The following COLEC12 variants were observed in gnomAD, a reference collection of about 807,000 sequenced individuals.
The protein encoded by COLEC12 is collectin-12.
A neutral mutation model predicts 71.1 loss-of-function variants in COLEC12; 33 were observed. The ratio of observed to expected loss-of-function variants is 0.46; its 90% CI spans 0.35 to 0.62. The LOEUF (loss-of-function observed/expected upper bound fraction) is 0.62, where lower values mean the gene tolerates loss of function less well. COLEC12 is among the 20% of genes least tolerant of loss of function. The pLI, the probability that COLEC12 is intolerant of heterozygous loss-of-function variation, is 0.00. For synonymous variants in COLEC12, 350 were observed against 353.0 expected, an observed-to-expected ratio of 0.99 and a Z score of 0.10; for missense variants, 765 against 916.1, an observed-to-expected ratio of 0.84 and a Z score of 2.13.
At position 346,834 on chromosome 18, in the gene COLEC12, T is replaced by C. The variant is rs1291209334; in HGVS notation, c.788A>G (p.Gln263Arg). ...GTTGGCAGCCAGCGTCTGCAAGCTC[T>C]GCACTTTCTCCTTCAGCCAATCCGT... is the stretch of plus-strand genomic sequence containing the variant. ...KDTDWLKEKV[Q>R]SLQTLAANNS... Residue 263 changes from glutamine to arginine, a missense_variant, in exon 5 of 10, where the codon CAG becomes CGG. By Grantham distance (43) the Gln-to-Arg change is conservative. Coordinates refer to ENST00000400256, the MANE Select transcript of COLEC12 (RefSeq NM_130386.3). The surrounding 1 kb of genome is among the most constrained non-coding windows in gnomAD (Gnocchi z 4.0). 1 of 1,614,202 alleles carries C rather than the reference T, an allele frequency of 6.2e-7. No homozygotes were observed. Among genetic ancestry groups the C allele is most frequent in the Admixed American group, 1.7e-5 (1 of 60,028 alleles).
intron 2 of COLEC12, among the ~76,000 whole-genome samples, chr18:440,784 A>T (rs28453274): frequency 0.03 from 4,591 of 152,320 alleles, 259 homozygotes; most frequent in African/African-American, 0.1. Flanking sequence ...ATGTTAATGC[A>T]TTGGATTCTT....
rs1917384331 is a variant in COLEC12 at position 480,121 on chromosome 18, G to A, written c.58+586C>T. Among the ~76,000 whole-genome samples the A allele has an allele frequency of 6.6e-6, 1 of 152,182 alleles. No homozygotes were observed. The highest frequency in any genetic ancestry group is 2.1e-4 in the South Asian group (1 of 4,822). On this transcript the variant is annotated intron_variant, in intron 2 of 9. Transcript: ENST00000400256. This position sits in a 1 kb window ranked among gnomAD's most constrained non-coding sequence, Gnocchi z 4.1. ...TGTGATGGCTTTCAGGGCCCACCCA[G>A]GTAACCCAGGATCATCTCCCCATCT...
At chr18:469,851 A>C (rs1649390366) in intron 2 of COLEC12, among the ~76,000 whole-genome samples, 1 of 145,944 alleles carries the variant, frequency 6.9e-6, no homozygotes, top group African/African-American at 2.6e-5. Context: ...CATCTTTAGG[A>C]GAAAATTTTT....
chr18:395,527 C>G (rs759558436), intron 2 of COLEC12, among the ~76,000 whole-genome samples: 13 of 152,138 alleles, frequency 8.5e-5, no homozygotes, highest in Non-Finnish European at 1.8e-4. Context: ...TAATCCTTCC[C>G]AGAAAAATGT....
At chr18:402,297 C>A (rs547295800) in intron 2 of COLEC12, among the ~76,000 whole-genome samples, 4 of 152,116 alleles carry the variant, frequency 2.6e-5, no homozygotes, top group African/African-American at 7.2e-5. Flanking sequence ...AAGAGTAGGC[C>A]CATGACCAGT....
Position 357,492 on chromosome 18 carries a change from C to T in COLEC12, c.89G>A (p.Cys30Tyr). 1 of 1,590,446 alleles carries T rather than the reference C, an allele frequency of 6.3e-7. No homozygotes were observed. Among genetic ancestry groups the T allele is most frequent in the Non-Finnish European group, 8.6e-7 (1 of 1,166,978 alleles). The change falls in exon 3 of 10, where the codon TGT becomes TAT. Residue 30 changes from cysteine to tyrosine, a missense_variant. Cys to Tyr is a radical substitution (Grantham distance 194). Coordinates refer to ENST00000400256, the MANE Select transcript of COLEC12 (RefSeq NM_130386.3). ...AAACTTCAGTGCCCAGTTATTTTTA[C>T]ATTTGGTACATTGTGTTCCTTCCTG... ...GIQEGTQCTK[C>Y]KNNWALKFSI...
intron 2 of COLEC12, among the ~76,000 whole-genome samples, chr18:360,093 G>C (rs987702925): frequency 1.3e-5 from 2 of 152,246 alleles, no homozygotes; most frequent in African/African-American, 4.8e-5. Context: ...AAACTTTGGG[G>C]TGCATGAGAG....
chr18:343,675 T>C (rs1372842102), intron 5 of COLEC12, among the ~76,000 whole-genome samples: 1 of 152,152 alleles, frequency 6.6e-6, no homozygotes, highest in African/African-American at 2.4e-5. Flanking sequence ...ACACTTTCGG[T>C]GACTATCCTT....
intron 2 of COLEC12, among the ~76,000 whole-genome samples, chr18:456,676 T>C (rs1236604401): frequency 6.6e-6 from 1 of 152,238 alleles, no homozygotes. Context: ...GAATAAACGA[T>C]GTAACCTGTA....
chr18:346,176 T>C lies in COLEC12; in HGVS notation c.1327+119A>G, dbSNP rs573339823. On this transcript the variant is annotated intron_variant, in intron 5 of 9. Coordinates refer to ENST00000400256, the MANE Select transcript of COLEC12 (RefSeq NM_130386.3). The surrounding 1 kb of genome is among the most constrained non-coding windows in gnomAD (Gnocchi z 4.0). ...TCTAGCTAAGCTGCTCTTGAATTCC[T>C]GGTCCACAAAAACTATGAGATGATG... The C allele has an allele frequency of 2.3e-5, 17 of 745,156 alleles. No homozygotes were observed. The allele number at this position is 745,156 out of a possible 1,614,324, so 46.2% of individuals were successfully genotyped here. A position where few individuals can be genotyped will look rare whatever the true frequency, so the allele number is the denominator to read the frequency against.
chr18:422,036 T>C (rs959255512), intron 2 of COLEC12, among the ~76,000 whole-genome samples: 4 of 152,128 alleles, frequency 2.6e-5, no homozygotes, highest in African/African-American at 9.7e-5. Context: ...CTTCAGATGG[T>C]CCAGCAAGCC....
intron 1 of COLEC12, among the ~76,000 whole-genome samples, chr18:498,539 T>C (rs1385123051): frequency 6.6e-6 from 1 of 151,980 alleles, no homozygotes; most frequent in Non-Finnish European, 1.5e-5. Flanking sequence ...TTTTGTATTT[T>C]TAGTAAAGAC....
At chr18:321,897 A>C in intron 8 of COLEC12, 90 bp from the exon 9 acceptor site, 1 of 1,235,522 alleles carries the variant, frequency 8.1e-7, no homozygotes, top group Non-Finnish European at 1.1e-6. Context: ...AAAAAACAAA[A>C]TTGAAGCATG....
chr18:332,153 T>C (rs1042431091), intron 7 of COLEC12, among the ~76,000 whole-genome samples: 5 of 152,200 alleles, frequency 3.3e-5, no homozygotes, highest in Non-Finnish European at 5.9e-5. Context: ...CCACGTGCAG[T>C]GTGTTGCACG....
At chr18:449,887 T>C (rs71352942) in intron 2 of COLEC12, among the ~76,000 whole-genome samples, 17,636 of 152,242 alleles carry the variant, frequency 0.12, 1,394 homozygotes, top group East Asian at 0.37. Flanking sequence ...CCTCCTCTCT[T>C]TTAAAAGGTG....
At chr18:413,398 G>A (rs558530816) in intron 2 of COLEC12, among the ~76,000 whole-genome samples, 2 of 152,358 alleles carry the variant, frequency 1.3e-5, no homozygotes, top group South Asian at 4.1e-4. Flanking sequence ...TGCTGCTGGT[G>A]AGAATGTAAA....
intron 2 of COLEC12, among the ~76,000 whole-genome samples, chr18:359,330 A>G (rs2143505768): frequency 6.6e-6 from 1 of 152,366 alleles, no homozygotes; most frequent in South Asian, 2.1e-4. Context: ...GTTTACCGGC[A>G]TGCCACTGGT....
chr18:401,836 G>A (rs957855904), intron 2 of COLEC12, among the ~76,000 whole-genome samples: 1 of 152,154 alleles, frequency 6.6e-6, no homozygotes, highest in Non-Finnish European at 1.5e-5. Context: ...GGACAGAAAG[G>A]CTGAACACAC....
rs1246579768 is a variant in COLEC12, at chr18:346,696, T to C, written c.926A>G (p.Gln309Arg). Residue 309 changes from glutamine to arginine, a missense_variant, in exon 5 of 10, where the codon CAG becomes CGG. Gln to Arg is a conservative substitution (Grantham distance 43). Coordinates refer to ENST00000400256, the MANE Select transcript of COLEC12 (RefSeq NM_130386.3). This position sits in a 1 kb window ranked among gnomAD's most constrained non-coding sequence, Gnocchi z 4.0. ...NITTISQANEQNLKDLQDLHK... is the reference protein window; with the variant it reads ...NITTISQANERNLKDLQDLHK... ...TAAGTCCTGCAGGTCTTTCAGGTTCTGCTCGTTGGCTTGAGAGATAGTGGT... is the reference window on the plus strand; with the variant it reads ...TAAGTCCTGCAGGTCTTTCAGGTTCCGCTCGTTGGCTTGAGAGATAGTGGT... 6.2e-7 allele frequency: 1 copy of C among 1,614,156 alleles called. No homozygotes were observed. Among genetic ancestry groups the C allele is most frequent in the Admixed American group, 1.7e-5 (1 of 60,010 alleles).
Sources: allele counts gnomAD v4.1 joint callset (sites outside exome capture counted in the v4.1 genomes callset), GRCh38; gene constraint gnomAD v4.1.1; non-coding constraint Gnocchi (gnomAD v3.1); transcripts MANE v1.5; gene names NCBI Gene and HGNC (gene_info 2026-07-23, HGNC 2026-07-21).